The following USP13 variants were observed in gnomAD, a reference collection of about 807,000 sequenced individuals.
USP13 encodes the protein ubiquitin specific peptidase 13, also known as ubiquitin carboxyl-terminal hydrolase 13.
Under a neutral mutation model 107.8 loss-of-function variants are expected in USP13, and 68 were observed. The ratio of observed to expected loss-of-function variants is 0.63; its 90% confidence interval spans 0.52 to 0.77. The LOEUF (loss-of-function observed/expected upper bound fraction) is 0.77, where lower values mean the gene tolerates loss of function less well. USP13 is among the 30% of genes least tolerant of loss of function. The pLI, the probability that USP13 is intolerant of heterozygous loss-of-function variation, is 0.00. For synonymous variants in USP13, 377 were observed against 389.5 expected (o/e 0.97, Z 0.38); for missense variants, 945 against 1,093.3 (o/e 0.86, Z 1.91).
chr3:179,711,423 G>C (rs184740493), intron 6 of USP13, among the ~76,000 whole-genome samples: 43 of 152,260 alleles, frequency 2.8e-4, no homozygotes, highest in Non-Finnish European at 4.4e-4. Context: ...ATGTTGGTCA[G>C]GTTGGCCTTG....
chr3:179,783,801 G>A (rs1315651738), intron 20 of USP13, among the ~76,000 whole-genome samples: 2 of 151,140 alleles, frequency 1.3e-5, no homozygotes, highest in African/African-American at 4.9e-5. Context: ...CCAGGAGTTC[G>A]AAGCTTCAGA....
chr3:179,729,036 C>G (rs1040678206), intron 8 of USP13, among the ~76,000 whole-genome samples: 2 of 151,952 alleles, frequency 1.3e-5, no homozygotes, highest in African/African-American at 4.8e-5. Flanking sequence ...AAAAATTACC[C>G]AAACACTTGT....
intron 1 of USP13, among the ~76,000 whole-genome samples, chr3:179,657,586 C>T (rs1476508757): frequency 2.6e-5 from 4 of 151,122 alleles, no homozygotes; most frequent in Admixed American, 2.6e-4. Context: ...CGTGGTGAAA[C>T]CCTGTCTCTA....
intron 1 of USP13, among the ~76,000 whole-genome samples, chr3:179,655,557 G>GTTTGTTTT: frequency 1.2e-5 from 1 of 80,686 alleles, no homozygotes. Context: ...GGTTTTTTTT[G>GTTTGTTTT]TTTTGTTTTG....
chr3:179,762,654 C>A (rs1168052539), intron 17 of USP13, among the ~76,000 whole-genome samples: 1 of 152,086 alleles, frequency 6.6e-6, no homozygotes, highest in East Asian at 1.9e-4. Flanking sequence ...TTTATCAGTT[C>A]ATGGACATTT....
At chr3:179,750,906 G>A (rs914419131) in intron 13 of USP13, among the ~76,000 whole-genome samples, 3 of 152,126 alleles carry the variant, frequency 2.0e-5, no homozygotes, top group Admixed American at 1.3e-4. Context: ...TTTTTGCCCC[G>A]TGTTCTGTCC....
Position 179,760,998 on chromosome 3 carries a change from C to T in USP13, c.1949-114C>T, listed in dbSNP as rs1373783621. The T allele has an allele frequency of 1.6e-5, 21 of 1,308,632 alleles. 1 individual carries two copies. The Admixed American group carries it at 3.8e-4, about 24-fold the overall frequency. 81.1% of individuals were successfully genotyped at this position (1,308,632 alleles called of 1,614,324 possible). Reference sequence around the variant, plus strand: ...AAACAAAGTAAAACCATTATCTACACCCAACAGAATAGCACTTTCTTTGGG... The same window carrying T: ...AAACAAAGTAAAACCATTATCTACATCCAACAGAATAGCACTTTCTTTGGG... On this transcript the variant is annotated intron_variant, in intron 16 of 20. Coordinates refer to ENST00000263966, the MANE Select transcript of USP13 (RefSeq NM_003940.3).
chr3:179,704,833 G>A (rs1009773224), intron 4 of USP13, among the ~76,000 whole-genome samples: 2 of 152,088 alleles, frequency 1.3e-5, no homozygotes, highest in African/African-American at 4.8e-5. Context: ...TGTTGAGGCC[G>A]GGGACCTCCT....
At chr3:179,658,079 T>C (rs1000954576) in intron 1 of USP13, among the ~76,000 whole-genome samples, 8 of 152,106 alleles carry the variant, frequency 5.3e-5, no homozygotes, top group Non-Finnish European at 7.4e-5. Context: ...CTCAGCCTCC[T>C]GAGTAGCTGG....
At chr3:179,702,985 A>G (rs1712589145) in intron 4 of USP13, among the ~76,000 whole-genome samples, 1 of 152,208 alleles carries the variant, frequency 6.6e-6, no homozygotes, top group Admixed American at 6.5e-5. Context: ...TTTATGTTAA[A>G]AAAATTAATA....
At position 179,781,775 on chromosome 3, in the gene USP13, C is replaced by T. The variant is rs1364948440; in HGVS notation, c.2450C>T (p.Thr817Ile). Residue 817 changes from threonine to isoleucine, a missense_variant, in exon 20 of 21, where the codon ACA becomes ATA. Transcript: ENST00000263966. ...TTTGCATTCATCAGTCACATGGGAACATCCACAATGAGTGGTCATTACATT... is the reference window on the plus strand; with the variant it reads ...TTTGCATTCATCAGTCACATGGGAATATCCACAATGAGTGGTCATTACATT... The part of the protein sequence containing the change: ...ELFAFISHMG[T>I]STMSGHYICH... The T allele has an allele frequency of 6.2e-7, 1 of 1,613,964 alleles. No individual in the cohort carries two copies. The highest frequency in any genetic ancestry group is 8.5e-7 in the Non-Finnish European group (1 of 1,179,982).
intron 1 of USP13, among the ~76,000 whole-genome samples, chr3:179,663,145 G>A (rs1720500328): frequency 2.0e-5 from 3 of 152,188 alleles, no homozygotes; most frequent in Admixed American, 6.5e-5. Flanking sequence ...ATGACTCCCT[G>A]TTCTCCCCTT....
chr3:179,761,961 T>C (rs1268704834), intron 17 of USP13, among the ~76,000 whole-genome samples: 1 of 152,244 alleles, frequency 6.6e-6, no homozygotes, highest in Non-Finnish European at 1.5e-5. Flanking sequence ...TATATTCATC[T>C]GTTTAAAGTG....
At chr3:179,663,058 GT>G (rs1720498227) in intron 1 of USP13, among the ~76,000 whole-genome samples, 1 of 152,170 alleles carries the variant, frequency 6.6e-6, no homozygotes, top group African/African-American at 2.4e-5. Context: ...CATTCACACT[GT>G]TTTGCAGTTA....
At chr3:179,654,965 G>A (rs1720208425) in intron 1 of USP13, among the ~76,000 whole-genome samples, 1 of 152,052 alleles carries the variant, frequency 6.6e-6, no homozygotes, top group South Asian at 2.1e-4. Flanking sequence ...TCCACAGAGT[G>A]GAGTGTGACA....
intron 8 of USP13, among the ~76,000 whole-genome samples, chr3:179,723,561 G>A (rs1255646589): frequency 6.6e-6 from 1 of 152,224 alleles, no homozygotes; most frequent in African/African-American, 2.4e-5. Context: ...ATGTGCAGGA[G>A]GAGTGAAGAC....
Position 179,754,598 on chromosome 3 carries a change from C to G in USP13, c.1799-134C>G, listed in dbSNP as rs993027970. The G allele has an allele frequency of 7.4e-6, 9 of 1,211,784 alleles. No homozygotes were observed. The Admixed American group carries it at 8.8e-5, about 12-fold the overall frequency. The allele number at this position is 1,211,784 out of a possible 1,614,324, so 75.1% of individuals were successfully genotyped here. Reference sequence around the variant, plus strand: ...GGTTAGTCTTCATGAACCTGCTGGTCGAGCAACATATTCTAGGGAATTGAA... The same window carrying G: ...GGTTAGTCTTCATGAACCTGCTGGTGGAGCAACATATTCTAGGGAATTGAA... On this transcript the variant is annotated intron_variant, in intron 14 of 20. Coordinates refer to ENST00000263966, the MANE Select transcript of USP13 (RefSeq NM_003940.3).
At chr3:179,675,989 C>T (rs543903927) in intron 1 of USP13, among the ~76,000 whole-genome samples, 3 of 152,288 alleles carry the variant, frequency 2.0e-5, no homozygotes, top group East Asian at 1.9e-4. Context: ...CCCCACATGT[C>T]GTAGGAGGGA....
At chr3:179,734,547 G>A (rs1713919337) in intron 10 of USP13, among the ~76,000 whole-genome samples, 1 of 152,322 alleles carries the variant, frequency 6.6e-6, no homozygotes, top group Admixed American at 6.5e-5. Context: ...GATAACCAGT[G>A]TTCTGCTTCA....
Sources: gnomAD v4.1 joint callset for allele counts (sites outside exome capture counted in the v4.1 genomes callset) on GRCh38, gnomAD v4.1.1 for gene constraint, MANE v1.5 for transcripts, NCBI Gene and HGNC (gene_info 2026-07-23, HGNC 2026-07-21) for gene names.